Variants in SLCO5A1 observed in about 807,000 individuals in gnomAD.
SLCO5A1 encodes the protein organic anion transporter polypeptide-related protein 4.
A neutral mutation model predicts 65.1 loss-of-function variants in SLCO5A1; 39 were observed. The observed-to-expected ratio is 0.60, with a 90% CI of 0.46 to 0.78. The LOEUF is 0.78. Ranked by LOEUF, SLCO5A1 falls within the 30% of genes least tolerant of loss-of-function variation. The pLI, the probability that SLCO5A1 is intolerant of heterozygous loss-of-function variation, is 0.00. For missense variants in SLCO5A1, 1,029 were observed against 1,069.4 expected (o/e 0.96, Z 0.53); for synonymous variants, 438 against 415.7 (o/e 1.05, Z -0.65).
intron 2 of SLCO5A1, among the ~76,000 whole-genome samples, chr8:69,782,936 T>G (rs929844520): frequency 8.5e-5 from 13 of 152,218 alleles, no homozygotes; most frequent in African/African-American, 2.9e-4. Context: ...TGTGTAGGTC[T>G]CTATCAGGGA....
At chr8:69,821,446 G>T (rs566025698) in intron 2 of SLCO5A1, among the ~76,000 whole-genome samples, 2 of 151,448 alleles carry the variant, frequency 1.3e-5, no homozygotes, top group Non-Finnish European at 2.9e-5. Context: ...GGAGGAGGAG[G>T]AGGAGAAGGA....
At chr8:69,778,743 G>C (rs961795576) in intron 2 of SLCO5A1, among the ~76,000 whole-genome samples, 1 of 152,120 alleles carries the variant, frequency 6.6e-6, no homozygotes, top group East Asian at 1.9e-4. Flanking sequence ...CTTGAAGAAG[G>C]CCTTTACAGG....
intron 2 of SLCO5A1, among the ~76,000 whole-genome samples, chr8:69,775,395 T>C (rs1307047942): frequency 1.3e-5 from 2 of 152,112 alleles, no homozygotes; most frequent in Non-Finnish European, 2.9e-5. Context: ...AAACAACAGA[T>C]TGGCACATGT....
intron 2 of SLCO5A1, among the ~76,000 whole-genome samples, chr8:69,767,762 C>A (rs1051954839): frequency 1.3e-5 from 2 of 151,642 alleles, no homozygotes; most frequent in African/African-American, 4.9e-5. Context: ...TGGCGGCAGG[C>A]ACCTGTAGTC....
At chr8:69,810,858 A>T (rs1455404724) in intron 2 of SLCO5A1, among the ~76,000 whole-genome samples, 1 of 152,130 alleles carries the variant, frequency 6.6e-6, no homozygotes, top group Non-Finnish European at 1.5e-5. Flanking sequence ...AACCCCTGAA[A>T]ATGCTTTGTG....
intron 5 of SLCO5A1, among the ~76,000 whole-genome samples, chr8:69,732,576 C>T (rs777785734): frequency 1.8e-4 from 28 of 152,062 alleles, no homozygotes; most frequent in Admixed American, 3.3e-4. Flanking sequence ...AATCACATAG[C>T]GAGGCCGAGT....
rs200618319 is a variant in SLCO5A1, at chr8:69,705,189, G to A, written c.1464C>T (p.Leu488=). ...IVPSAGVGIV[L]GGYIIKKLKL... ...TCAATTTTTTTATAATGTAGCCTCC[G>A]AGGACAATACCAACACCAGCACTGG... The change falls in exon 6 of 10, where the codon CTC becomes CTT. Residue 488 remains leucine, a synonymous_variant. Transcript: ENST00000260126. 1.6e-4 allele frequency: 262 copies of A among 1,614,098 alleles called. 1 individual carries two copies. The highest frequency in any genetic ancestry group is 3.3e-4 in the East Asian group (15 of 44,878).
At chr8:69,707,008 G>T (rs1314747227) in intron 5 of SLCO5A1, among the ~76,000 whole-genome samples, 1 of 151,958 alleles carries the variant, frequency 6.6e-6, no homozygotes, top group Admixed American at 6.6e-5. Flanking sequence ...ATTAGCTAGG[G>T]GTGGTGGCGT....
intron 2 of SLCO5A1, among the ~76,000 whole-genome samples, chr8:69,776,689 C>CA (rs1818572510): frequency 6.6e-6 from 1 of 150,788 alleles, no homozygotes; most frequent in African/African-American, 2.4e-5. Flanking sequence ...GACCCTGTCT[C>CA]AAAAAAACAA....
intron 2 of SLCO5A1, among the ~76,000 whole-genome samples, chr8:69,767,162 T>C (rs1312166819): frequency 6.6e-6 from 1 of 152,200 alleles, no homozygotes; most frequent in Non-Finnish European, 1.5e-5. Context: ...TAAACACAAA[T>C]AGAAGTCCCA....
At chr8:69,718,166 G>A (rs1177621792) in intron 5 of SLCO5A1, among the ~76,000 whole-genome samples, 1 of 152,120 alleles carries the variant, frequency 6.6e-6, no homozygotes, top group Non-Finnish European at 1.5e-5. Flanking sequence ...AAATGAAATT[G>A]TTTCCTTAAT....
intron 2 of SLCO5A1, among the ~76,000 whole-genome samples, chr8:69,821,691 C>T (rs1240654677): frequency 6.6e-6 from 1 of 151,548 alleles, no homozygotes; most frequent in Non-Finnish European, 1.5e-5. Context: ...GTAGTCCCAC[C>T]TACTCAGGGA....
chr8:69,672,857 C>T lies in SLCO5A1; in HGVS notation c.*12G>A. 1 of 1,578,936 alleles carries T rather than the reference C, an allele frequency of 6.3e-7. No individual in the cohort carries two copies. The highest frequency in any genetic ancestry group is 1.1e-5 in the South Asian group (1 of 87,560). On this transcript the variant is annotated 3_prime_UTR_variant, in exon 10 of 10. Coordinates refer to ENST00000260126, the MANE Select transcript of SLCO5A1 (RefSeq NM_030958.3). The stretch of plus-strand genomic sequence containing the variant: ...TTCAACCAACAAAACTAAATTCTTC[C>T]ATTTTCAAGCTTCAGGAGGGCGGCT...
At position 69,672,919 on chromosome 8, in the gene SLCO5A1, C is replaced by T. The variant is rs1228494591; in HGVS notation, c.2497G>A (p.Ala833Thr). The T allele has an allele frequency of 6.2e-7, 1 of 1,614,196 alleles. No individual in the cohort carries two copies. The highest frequency in any genetic ancestry group is 1.7e-5 in the Admixed American group (1 of 60,032). ...GPFPEAISSS[A>T]DPGLEESPAA... ...GGGCTCTCTTCCAGCCCCGGGTCCG[C>T]AGAGGAACTTATTGCTTCTGGGAAG... The change falls in exon 10 of 10, where the codon GCG becomes ACG. Residue 833 changes from alanine to threonine, a missense_variant. By Grantham distance (58) the Ala-to-Thr change is moderately conservative (BLOSUM62 0). Transcript: ENST00000260126.
At chr8:69,723,502 C>T (rs770787688) in intron 5 of SLCO5A1, among the ~76,000 whole-genome samples, 3 of 151,938 alleles carry the variant, frequency 2.0e-5, no homozygotes, top group African/African-American at 2.4e-5. Flanking sequence ...ACTCCAGTCT[C>T]GGCCTCCCAA....
At chr8:69,772,797 A>C in intron 2 of SLCO5A1, 2 of 335,550 alleles carry the variant, frequency 6.0e-6, no homozygotes, top group Non-Finnish European at 8.5e-6. Context: ...ATGCCCTAAA[A>C]GGTCAGAGAT....
intron 5 of SLCO5A1, among the ~76,000 whole-genome samples, chr8:69,726,149 G>A (rs1030563032): frequency 2.6e-5 from 4 of 152,142 alleles, no homozygotes; most frequent in African/African-American, 9.7e-5. Flanking sequence ...AATCATCAAA[G>A]GTAAGTGAAG....
rs756425713 is a variant in SLCO5A1 at position 69,670,068 on chromosome 8, G to T, written c.*2801C>A. ...GCTAATGAAAATAACCAAAGAATGC[G>T]CTCCAACCACCCATCTTACCTCCTG... On this transcript the variant is annotated 3_prime_UTR_variant, in exon 10 of 10. Coordinates refer to ENST00000260126, the MANE Select transcript of SLCO5A1 (RefSeq NM_030958.3). 1 of 152,080 alleles carries T rather than the reference G, an allele frequency of 6.6e-6. No individual in the cohort carries two copies. Among genetic ancestry groups the T allele is most frequent in the Non-Finnish European group, 1.5e-5 (1 of 68,020 alleles). 9.4% of individuals were successfully genotyped at this position (152,080 alleles called of 1,614,324 possible).
At chr8:69,730,611 T>C (rs61342871) in intron 5 of SLCO5A1, among the ~76,000 whole-genome samples, 4,629 of 152,224 alleles carry the variant, frequency 0.03, 245 homozygotes, top group African/African-American at 0.1. Flanking sequence ...CGTGCATCTG[T>C]AGGGCACTGA....
Sources: allele counts gnomAD v4.1 joint callset (sites outside exome capture counted in the v4.1 genomes callset), GRCh38; gene constraint gnomAD v4.1.1; transcripts MANE v1.5; gene names NCBI Gene and HGNC (gene_info 2026-07-23, HGNC 2026-07-21).